The following ARHGEF4 variants were observed in gnomAD, a reference collection of about 807,000 sequenced individuals.
ARHGEF4 encodes APC-stimulated guanine nucleotide exchange factor 1.
A neutral mutation model predicts 162.0 loss-of-function variants in ARHGEF4; 119 were observed. The ratio of observed to expected loss-of-function variants is 0.73; its 90% CI spans 0.63 to 0.86. The LOEUF (loss-of-function observed/expected upper bound fraction) is 0.86. Ranked by LOEUF, ARHGEF4 falls within the 40% of genes least tolerant of loss-of-function variation. The pLI is 0.00. For missense variants in ARHGEF4, 2,488 were observed against 2,456.0 expected (o/e 1.01, Z -0.28); for synonymous variants, 1,014 against 979.9 (o/e 1.03, Z -0.65).
chr2:130,909,708 T>C (rs1449135590), intron 1 of ARHGEF4, among the ~76,000 whole-genome samples: 1 of 152,002 alleles, frequency 6.6e-6, no homozygotes, highest in Non-Finnish European at 1.5e-5. Context: ...CAAAGACCCT[T>C]GCATTTGGCA....
In ARHGEF4 at chr2:130,889,180, G is replaced by T. The variant is rs979063250; in HGVS notation, c.40-24806G>T. ...ATATTGTCCGAGACTTACAATACACGTATTTAACTTACCAAATTATACAGT... is the reference window on the plus strand; with the variant it reads ...ATATTGTCCGAGACTTACAATACACTTATTTAACTTACCAAATTATACAGT... On this transcript the variant is annotated intron_variant, in intron 1 of 13. Coordinates refer to ENST00000409359, the MANE Select transcript of ARHGEF4 (RefSeq NM_001367493.1). Among the ~76,000 whole-genome samples the T allele has an allele frequency of 1.7e-4, 25 of 151,356 alleles. 1 individual carries two copies. Among genetic ancestry groups the T allele is most frequent in the African/African-American group, 5.8e-4 (24 of 41,092 alleles).
In ARHGEF4 at chr2:131,044,309, G is replaced by A. The variant is rs376653204; in HGVS notation, c.5168G>A (p.Arg1723His). 26 of 1,610,176 alleles carry A rather than the reference G, an allele frequency of 1.6e-5. No homozygotes were observed. Among genetic ancestry groups the A allele is most frequent in the Non-Finnish European group, 2.0e-5 (24 of 1,178,900 alleles). ...QLIYCKKDLL[R>H]RDVLYYKGRL... ...GCCAGCATCTGGCAGGACCTGCTCC[G>A]CCGCGACGTGTTGTACTACAAGGGC... is the stretch of plus-strand genomic sequence containing the variant. The change falls in exon 12 of 14, where the codon CGC becomes CAC. Residue 1723 changes from arginine (R) to histidine (H), a missense_variant. By Grantham distance (29) the Arg-to-His change is conservative. Transcript: ENST00000409359.
At chr2:130,987,879 G>A (rs1333174307) in intron 4 of ARHGEF4, among the ~76,000 whole-genome samples, 5 of 152,202 alleles carry the variant, frequency 3.3e-5, no homozygotes, top group Non-Finnish European at 7.3e-5. Flanking sequence ...CGTCTTGGGA[G>A]CTGTTGGAGT....
chr2:130,999,476 G>T (rs371900810), intron 4 of ARHGEF4, among the ~76,000 whole-genome samples: 7 of 152,058 alleles, frequency 4.6e-5, no homozygotes, highest in Non-Finnish European at 8.8e-5. Flanking sequence ...TTTAAGAGTC[G>T]TGTATTTTTG....
chr2:130,918,550 G>C (rs1268097988), intron 2 of ARHGEF4, among the ~76,000 whole-genome samples: 1 of 152,206 alleles, frequency 6.6e-6, no homozygotes, highest in South Asian at 2.1e-4. Context: ...GTGGCCTCTC[G>C]GGCGCTCCCC....
intron 1 of ARHGEF4, among the ~76,000 whole-genome samples, chr2:130,856,825 G>C (rs895870579): frequency 9.2e-5 from 14 of 152,312 alleles, no homozygotes; most frequent in African/African-American, 3.4e-4. Context: ...AATGTAATAT[G>C]CTTCACAGTA....
At chr2:130,988,848 TTGTGTG>T (rs1167521372) in intron 4 of ARHGEF4, among the ~76,000 whole-genome samples, 6 of 136,192 alleles carry the variant, frequency 4.4e-5, no homozygotes, top group East Asian at 4.2e-4. Flanking sequence ...CCACATATAT[TTGTGTG>T]TGTGTGTGTG....
At chr2:130,954,650 A>G (rs530719065) in intron 4 of ARHGEF4, among the ~76,000 whole-genome samples, 1 of 152,318 alleles carries the variant, frequency 6.6e-6, no homozygotes, top group East Asian at 1.9e-4. Context: ...ATCAATTGTT[A>G]ATCATATTGA....
intron 1 of ARHGEF4, among the ~76,000 whole-genome samples, chr2:130,875,289 C>A (rs1678756567): frequency 1.3e-5 from 2 of 152,116 alleles, no homozygotes; most frequent in African/African-American, 2.4e-5. Flanking sequence ...AGTCTCCAGC[C>A]CCGATATCAC....
At chr2:130,983,750 T>C (rs979531059) in intron 4 of ARHGEF4, among the ~76,000 whole-genome samples, 4 of 152,218 alleles carry the variant, frequency 2.6e-5, no homozygotes, top group African/African-American at 7.2e-5. Context: ...CCCGGGTTCA[T>C]GCCATTCTCC....
intron 1 of ARHGEF4, among the ~76,000 whole-genome samples, chr2:130,840,533 GTAGT>G (rs916591697): frequency 3.9e-5 from 6 of 152,270 alleles, no homozygotes; most frequent in African/African-American, 1.2e-4. Context: ...ATCCATCCAG[GTAGT>G]CTTTCCCACC....
At position 130,916,850 on chromosome 2, in the gene ARHGEF4, C is replaced by T. The variant is rs1559038432; in HGVS notation, c.2904C>T (p.Thr968=). The change falls in exon 2 of 14, where the codon ACC becomes ACT. Residue 968 remains threonine (T), a synonymous_variant. Transcript: ENST00000409359. The stretch of plus-strand genomic sequence containing the variant: ...ATGCCGGAAGCCCCAAAAAGCCCAC[C>T]CTAGTGAGTCTGCCTCTAGGACCCG... ...SKDAGSPKKP[T]LVSLPLGPEV... 2 of 1,550,426 alleles carry T rather than the reference C, an allele frequency of 1.3e-6. No individual in the cohort carries two copies. The highest frequency in any genetic ancestry group is 2.0e-5 in the Admixed American group (1 of 51,006).
At chr2:130,962,602 G>A (rs957901959) in intron 4 of ARHGEF4, among the ~76,000 whole-genome samples, 3 of 152,084 alleles carry the variant, frequency 2.0e-5, no homozygotes, top group South Asian at 2.1e-4. Context: ...TATAGCTTCC[G>A]GATGGAGATG....
intron 4 of ARHGEF4, among the ~76,000 whole-genome samples, chr2:131,024,512 T>C (rs1345336895): frequency 1.3e-5 from 2 of 152,168 alleles, no homozygotes; most frequent in Non-Finnish European, 2.9e-5. Flanking sequence ...CCTGACCTTA[T>C]GATCTGCCTG....
intron 1 of ARHGEF4, among the ~76,000 whole-genome samples, chr2:130,898,152 C>G (rs964647019): frequency 6.6e-6 from 1 of 152,234 alleles, no homozygotes; most frequent in African/African-American, 2.4e-5. Flanking sequence ...GTGCCTTGAG[C>G]ACAAAGATGC....
At chr2:130,921,437 T>A (rs1376293938) in intron 2 of ARHGEF4, among the ~76,000 whole-genome samples, 1 of 152,186 alleles carries the variant, frequency 6.6e-6, no homozygotes, top group Non-Finnish European at 1.5e-5. Context: ...TGCATGTATA[T>A]TTCTGTGGGT....
At chr2:130,883,030 G>A (rs950015828) in intron 1 of ARHGEF4, among the ~76,000 whole-genome samples, 1 of 152,028 alleles carries the variant, frequency 6.6e-6, no homozygotes, top group African/African-American at 2.4e-5. Context: ...CTCACCTTTG[G>A]TGGTGATGCA....
chr2:130,890,208 G>T (rs2104986201), intron 1 of ARHGEF4, among the ~76,000 whole-genome samples: 1 of 152,270 alleles, frequency 6.6e-6, no homozygotes, highest in Middle Eastern at 3.4e-3. Context: ...GAGAACTCCA[G>T]TTTAAGCTGA....
intron 4 of ARHGEF4, among the ~76,000 whole-genome samples, chr2:131,018,055 AACCACTCT>A: frequency 6.6e-6 from 1 of 152,344 alleles, no homozygotes; most frequent in Admixed American, 6.5e-5. Flanking sequence ...AAGTAAGATG[AACCACTCT>A]ACCAAATTTC....
Sources: gnomAD v4.1 joint callset for allele counts (sites outside exome capture counted in the v4.1 genomes callset) on GRCh38, gnomAD v4.1.1 for gene constraint, MANE v1.5 for transcripts, NCBI Gene and HGNC (gene_info 2026-07-23, HGNC 2026-07-21) for gene names.